NCKAP5: variants seen among roughly 807,000 people sequenced by gnomAD.
NCKAP5 encodes the protein NCK associated protein 5, also known as nck-associated protein 5.
A neutral mutation model predicts 167.0 loss-of-function variants in NCKAP5; 92 were observed. The observed-to-expected ratio is 0.55, with a 90% confidence interval of 0.47 to 0.66. The LOEUF is 0.66. NCKAP5 is among the 30% of genes least tolerant of loss of function. NCKAP5 has a pLI of 0.00. For synonymous variants in NCKAP5, 891 were observed against 877.4 expected (o/e 1.02, Z -0.27); for missense variants, 2,378 against 2,315.0 (o/e 1.03, Z -0.56).
chr2:133,565,852 A>C (rs1411827457), intron 1 of NCKAP5, among the ~76,000 whole-genome samples: 2 of 152,252 alleles, frequency 1.3e-5, no homozygotes, highest in Non-Finnish European at 2.9e-5. Context: ...TATTTAATTC[A>C]TTCATTTATT....
chr2:132,721,399 A>G (rs958082883), intron 19 of NCKAP5, among the ~76,000 whole-genome samples: 1 of 152,176 alleles, frequency 6.6e-6, no homozygotes, highest in Non-Finnish European at 1.5e-5. Flanking sequence ...AACATCCAAT[A>G]AGGCTTCACG....
chr2:133,521,774 TG>T (rs1375435115), intron 2 of NCKAP5, among the ~76,000 whole-genome samples: 2 of 152,228 alleles, frequency 1.3e-5, no homozygotes, highest in African/African-American at 4.8e-5. Context: ...ACAGTCACAT[TG>T]GGAGTTAGGG....
chr2:132,849,645 T>G (rs1273730882), intron 11 of NCKAP5, among the ~76,000 whole-genome samples: 4 of 152,168 alleles, frequency 2.6e-5, no homozygotes, highest in Non-Finnish European at 5.9e-5. Flanking sequence ...CTTCTAACAT[T>G]AAGGTACTAG....
chr2:133,391,715 T>C (rs1687422968), intron 3 of NCKAP5, among the ~76,000 whole-genome samples: 1 of 152,204 alleles, frequency 6.6e-6, no homozygotes, highest in Non-Finnish European at 1.5e-5. Context: ...GTAAGGTGGC[T>C]GATGGATCTC....
At chr2:133,603,427 G>A in the NCKAP5 span, among the ~76,000 whole-genome samples, 3 of 151,874 alleles carry the variant, frequency 2.0e-5, no homozygotes, top group African/African-American at 2.4e-5. Flanking sequence ...GTTTTTCCAC[G>A]TTGGTCAGGC....
intron 4 of NCKAP5, among the ~76,000 whole-genome samples, chr2:133,250,220 A>G (rs2088239111): frequency 1.3e-5 from 2 of 152,030 alleles, no homozygotes; most frequent in Non-Finnish European, 2.9e-5. Flanking sequence ...ATCCACAGCT[A>G]TGTGATCAAC....
chr2:133,147,145 T>G (rs1574180563), intron 5 of NCKAP5, among the ~76,000 whole-genome samples: 1 of 152,266 alleles, frequency 6.6e-6, no homozygotes, highest in South Asian at 2.1e-4. Flanking sequence ...ACTATTCTGG[T>G]TGTAGTTGTA....
intron 6 of NCKAP5, among the ~76,000 whole-genome samples, chr2:133,083,594 G>T (rs912989423): frequency 2.0e-5 from 3 of 152,174 alleles, no homozygotes; most frequent in African/African-American, 4.8e-5. Flanking sequence ...CATGGATCAC[G>T]TATCTTACCA....
chr2:133,588,159 G>C, the NCKAP5 span, among the ~76,000 whole-genome samples: 2 of 152,076 alleles, frequency 1.3e-5, no homozygotes, highest in African/African-American at 4.8e-5. Context: ...TGTATTTCTT[G>C]TTGGCAATGA....
chr2:133,138,193 T>A (rs1395284164), intron 5 of NCKAP5, among the ~76,000 whole-genome samples: 1 of 152,032 alleles, frequency 6.6e-6, no homozygotes, highest in East Asian at 1.9e-4. Flanking sequence ...GTACTATGAA[T>A]TAAAGAATAA....
intron 6 of NCKAP5, among the ~76,000 whole-genome samples, chr2:133,102,018 A>T (rs757873914): frequency 1.2e-4 from 18 of 152,322 alleles, no homozygotes; most frequent in South Asian, 2.1e-4. Context: ...AAAATAAAAG[A>T]CTGGAAAAGT....
At chr2:133,541,774 GA>G (rs778914531) in intron 2 of NCKAP5, among the ~76,000 whole-genome samples, 3 of 149,494 alleles carry the variant, frequency 2.0e-5, no homozygotes, top group Non-Finnish European at 3.0e-5. Context: ...TTATAAAGGA[GA>G]TTTTTTTTTT....
intron 13 of NCKAP5, among the ~76,000 whole-genome samples, chr2:132,787,871 C>A (rs1359865167): frequency 6.6e-6 from 1 of 152,134 alleles, no homozygotes; most frequent in East Asian, 1.9e-4. Context: ...CAAAGTACCC[C>A]ACAAGAGCTT....
rs556758155 is a variant in NCKAP5 at position 133,206,985 on chromosome 2, G to A, written c.207+6731C>T. Among the ~76,000 whole-genome samples, 242 of 152,164 alleles carry A rather than the reference G, an allele frequency of 1.6e-3. 2 individuals are homozygous for A. The highest frequency in any genetic ancestry group is 5.2e-3 in the African/African-American group (214 of 41,512). On this transcript the variant is annotated intron_variant, in intron 5 of 19. Transcript: ENST00000409261. ...CTAGTCAGACCAGTTCTCTGCTCTC[G>A]AACCCTGTTTCCTGTTAAGATGTTT...
chr2:132,732,690 T>G (rs1162574576), intron 16 of NCKAP5, among the ~76,000 whole-genome samples: 1 of 152,188 alleles, frequency 6.6e-6, no homozygotes, highest in Non-Finnish European at 1.5e-5. Flanking sequence ...TTCAACCAAT[T>G]AGGTGAAATT....
intron 11 of NCKAP5, among the ~76,000 whole-genome samples, chr2:132,826,679 T>C (rs1252549026): frequency 2.0e-5 from 3 of 152,148 alleles, no homozygotes; most frequent in Non-Finnish European, 4.4e-5. Flanking sequence ...TGAGTAGTGA[T>C]AGAATTATAA....
At chr2:133,614,337 G>A in the NCKAP5 span, among the ~76,000 whole-genome samples, 1 of 152,144 alleles carries the variant, frequency 6.6e-6, no homozygotes, top group Admixed American at 6.5e-5. Flanking sequence ...GGCTTCAGAA[G>A]ATCAAATTAC....
chr2:132,691,463 G>A (rs1212777533), intron 19 of NCKAP5, among the ~76,000 whole-genome samples: 1 of 151,870 alleles, frequency 6.6e-6, no homozygotes, highest in Non-Finnish European at 1.5e-5. Context: ...AATGGTCCAG[G>A]GACACGTCAC....
intron 19 of NCKAP5, among the ~76,000 whole-genome samples, chr2:132,688,301 T>C: frequency 6.6e-6 from 1 of 152,256 alleles, no homozygotes; most frequent in East Asian, 1.9e-4. Context: ...ATGTTGTAAA[T>C]TAACTTTAGA....
Sources: gnomAD v4.1 joint callset for allele counts (sites outside exome capture counted in the v4.1 genomes callset) on GRCh38, gnomAD v4.1.1 for gene constraint, MANE v1.5 for transcripts, NCBI Gene and HGNC (gene_info 2026-07-23, HGNC 2026-07-21) for gene names.